The following DNAH9 variants were observed in gnomAD, a reference collection of about 807,000 sequenced individuals.
DNAH9 encodes dynein axonemal heavy chain 9, also known as DNAH9 variant protein.
A neutral mutation model predicts 471.6 loss-of-function variants in DNAH9; 345 were observed. The observed-to-expected ratio is 0.73, with a 90% CI of 0.67 to 0.80. DNAH9 has a LOEUF of 0.80. DNAH9 is among the 30% of genes least tolerant of loss of function. The pLI is 0.00. For synonymous variants in DNAH9, 2,093 were observed against 2,123.6 expected (o/e 0.99, Z 0.40); for missense variants, 5,407 against 5,609.2 (o/e 0.96, Z 1.15).
intron 49 of DNAH9, 62 bp from the exon 50 acceptor site, chr17:11,853,941 A>C (rs1971525462): frequency 2.0e-6 from 3 of 1,506,456 alleles, no homozygotes; most frequent in South Asian, 1.2e-5. Flanking sequence ...TAACTCCATC[A>C]GTGGCAGAGG....
In DNAH9 at chr17:11,719,361, G is replaced by A. The variant is rs756300062; in HGVS notation, c.5580G>A (p.Leu1860=). The part of the protein sequence containing the change: ...DRCYITLTQS[L]HLTMSGAPAG... ...GCTACATCACCCTCACCCAGTCCCT[G>A]CACCTGACCATGAGTGGGGCTCCCG... Residue 1860 remains leucine (L), a synonymous_variant, in exon 27 of 69, where the codon CTG becomes CTA. Coordinates refer to ENST00000262442, the MANE Select transcript of DNAH9 (RefSeq NM_001372.4). 1 of 1,614,062 alleles carries A rather than the reference G, an allele frequency of 6.2e-7. No individual in the cohort carries two copies. Among genetic ancestry groups the A allele is most frequent in the Non-Finnish European group, 8.5e-7 (1 of 1,179,990 alleles).
At chr17:11,670,901 C>G (rs746377037) in intron 17 of DNAH9, among the ~76,000 whole-genome samples, 1 of 152,128 alleles carries the variant, frequency 6.6e-6, no homozygotes, top group Non-Finnish European at 1.5e-5. Context: ...CAGGGTTTCT[C>G]CATGTTGGTC....
At chr17:11,748,650 G>T (rs1230717906) in intron 32 of DNAH9, among the ~76,000 whole-genome samples, 1 of 152,118 alleles carries the variant, frequency 6.6e-6, no homozygotes, top group Non-Finnish European at 1.5e-5. Context: ...TGATTCAGAG[G>T]CCCCCAACCC....
chr17:11,659,416 T>C (rs1384395916), intron 14 of DNAH9, among the ~76,000 whole-genome samples: 1 of 152,134 alleles, frequency 6.6e-6, no homozygotes, highest in African/African-American at 2.4e-5. Flanking sequence ...AACACCAAGC[T>C]CTGTGCCAAA....
chr17:11,623,524 G>A lies in DNAH9; in HGVS notation c.1350+3743G>A, dbSNP rs1262831718. The stretch of plus-strand genomic sequence containing the variant: ...CTTAGATGCATCGCCCTTGCCCTTT[G>A]CCATCTTCCTCCTCCCCCAGCTCTT... On this transcript the variant is annotated intron_variant, in intron 6 of 68. Transcript: ENST00000262442. This position sits in a 1 kb window ranked among gnomAD's most constrained non-coding sequence, Gnocchi z 4.1. Among the ~76,000 whole-genome samples the A allele has an allele frequency of 6.6e-6, 1 of 151,792 alleles. No homozygotes were observed. Among genetic ancestry groups the A allele is most frequent in the Non-Finnish European group, 1.5e-5 (1 of 67,996 alleles).
intron 49 of DNAH9, among the ~76,000 whole-genome samples, chr17:11,835,847 A>G (rs1970833481): frequency 6.6e-6 from 1 of 152,182 alleles, no homozygotes; most frequent in Admixed American, 6.5e-5. Context: ...CAAGTGGCTC[A>G]CATCTGGTCC....
rs749968215 is a variant in DNAH9 at position 11,619,520 on chromosome 17, C to T, written c.1117-28C>T. The T allele has an allele frequency of 4.5e-6, 6 of 1,329,178 alleles. No homozygotes were observed. In the Admixed American group the frequency reaches 8.4e-5, roughly 19 times the overall value. 82.3% of individuals were successfully genotyped at this position (1,329,178 alleles called of 1,614,324 possible). On this transcript the variant is annotated intron_variant, in intron 5 of 68. Coordinates refer to ENST00000262442, the MANE Select transcript of DNAH9 (RefSeq NM_001372.4). ...AAGTTACAGGATGTCTGCACCTGCT[C>T]AGTGATACTAATCTGTTTGTATACC...
At chr17:11,800,811 A>G (rs2322052) in intron 43 of DNAH9, among the ~76,000 whole-genome samples, 94,481 of 152,078 alleles carry the variant, frequency 0.62, 29,489 homozygotes, top group Non-Finnish European at 0.65. Context: ...TTGATTAGAT[A>G]ATCTTAGGAT....
rs766249786 is a variant in DNAH9, at chr17:11,742,093, G to A, written c.5973-82G>A. 6.0e-5 allele frequency: 79 copies of A among 1,314,088 alleles called. 1 individual carries two copies. The highest frequency in any genetic ancestry group is 6.9e-5 in the Non-Finnish European group (64 of 928,370). The allele number at this position is 1,314,088 out of a possible 1,614,324, so 81.4% of individuals were successfully genotyped here. On this transcript the variant is annotated intron_variant, in intron 29 of 68. Coordinates refer to ENST00000262442, the MANE Select transcript of DNAH9 (RefSeq NM_001372.4). ...CACAGATGCCTCCATGTGTGATCTC[G>A]GCCAGTGCTTATTTTCTTGCAGTCT...
chr17:11,732,347 C>T (rs9916107), intron 28 of DNAH9, among the ~76,000 whole-genome samples: 3,334 of 152,186 alleles, frequency 0.022, 121 homozygotes, highest in African/African-American at 0.076. Context: ...AAAATCTGAG[C>T]GGGTAACATT....
chr17:11,687,761 A>G (rs1376317067), intron 19 of DNAH9, among the ~76,000 whole-genome samples: 1 of 152,012 alleles, frequency 6.6e-6, no homozygotes, highest in African/African-American at 2.4e-5. Flanking sequence ...TGAGGATGAG[A>G]GTGAGTATAA....
chr17:11,602,158 A>G (rs2072400350), intron 1 of DNAH9, among the ~76,000 whole-genome samples: 1 of 152,024 alleles, frequency 6.6e-6, no homozygotes, highest in East Asian at 1.9e-4. Context: ...AAGATTTGGA[A>G]TCTCACAGAC....
At chr17:11,700,935 G>T (rs2074582871) in intron 23 of DNAH9, among the ~76,000 whole-genome samples, 187 bp from the exon 24 acceptor site, 1 of 152,148 alleles carries the variant, frequency 6.6e-6, no homozygotes, top group African/African-American at 2.4e-5. Context: ...TTAAGTCTGG[G>T]TCTCACTTAT....
chr17:11,880,700 T>A (rs1972684886), intron 54 of DNAH9, among the ~76,000 whole-genome samples: 2 of 151,714 alleles, frequency 1.3e-5, no homozygotes, highest in African/African-American at 2.4e-5. Context: ...AAGGGCAGAG[T>A]AATTATCATG....
At chr17:11,862,042 A>T (rs1971868363) in intron 50 of DNAH9, among the ~76,000 whole-genome samples, 1 of 147,692 alleles carries the variant, frequency 6.8e-6, no homozygotes, top group Admixed American at 6.8e-5. Flanking sequence ...CCCATTTGTC[A>T]ATTTTGGCTT....
At chr17:11,671,372 A>G (rs2073969599) in intron 17 of DNAH9, among the ~76,000 whole-genome samples, 2 of 152,296 alleles carry the variant, frequency 1.3e-5, no homozygotes, top group Admixed American at 1.3e-4. Flanking sequence ...ATACAGGGCC[A>G]CAGTGGGGAG....
intron 43 of DNAH9, among the ~76,000 whole-genome samples, chr17:11,802,172 C>T (rs1314058143): frequency 6.6e-6 from 1 of 152,176 alleles, no homozygotes; most frequent in Non-Finnish European, 1.5e-5. Context: ...TCGTTGCTGC[C>T]TCTACCAACC....
intron 24 of DNAH9, among the ~76,000 whole-genome samples, chr17:11,703,595 C>T (rs951415622): frequency 2.6e-5 from 4 of 152,178 alleles, no homozygotes; most frequent in Admixed American, 2.0e-4. Context: ...ATATGTATTT[C>T]AATTGCTTTT....
At chr17:11,730,999 ATGG>A (rs1254511446) in intron 28 of DNAH9, among the ~76,000 whole-genome samples, 8 of 147,946 alleles carry the variant, frequency 5.4e-5, no homozygotes, top group African/African-American at 9.9e-5. Flanking sequence ...GATAATGGTG[ATGG>A]TGGTAATGAT....
Sources: gnomAD v4.1 joint callset for allele counts (sites outside exome capture counted in the v4.1 genomes callset) on GRCh38, gnomAD v4.1.1 for gene constraint, Gnocchi (gnomAD v3.1) non-coding constraint, MANE v1.5 for transcripts, NCBI Gene and HGNC (gene_info 2026-07-23, HGNC 2026-07-21) for gene names.